MGAT5: variants seen among roughly 807,000 people sequenced by gnomAD.
MGAT5 encodes the protein alpha-1,6-mannosylglycoprotein 6-beta-N-acetylglucosaminyltransferase.
In MGAT5, 30 loss-of-function variants were observed where a neutral mutation model predicts 94.3. That is an observed-to-expected ratio of 0.32 (90% CI 0.24 to 0.43). The LOEUF (loss-of-function observed/expected upper bound fraction) is 0.43, where lower values mean the gene tolerates loss of function less well. MGAT5 is among the 20% of genes least tolerant of loss of function. The pLI, the probability that MGAT5 is intolerant of heterozygous loss-of-function variation, is 1.00. For synonymous variants in MGAT5, 310 were observed against 322.9 expected, an observed-to-expected ratio of 0.96 and a Z score of 0.43; for missense variants, 691 against 905.5, an observed-to-expected ratio of 0.76 and a Z score of 3.04.
intron 1 of MGAT5, among the ~76,000 whole-genome samples, chr2:134,260,796 C>G (rs1450521505): frequency 6.7e-6 from 1 of 149,988 alleles, no homozygotes; most frequent in African/African-American, 2.5e-5. Flanking sequence ...GAGGGAAATA[C>G]ACTGTTCTTG....
intron 12 of MGAT5, among the ~76,000 whole-genome samples, chr2:134,416,143 C>T (rs1558870531): frequency 1.3e-5 from 2 of 152,202 alleles, no homozygotes; most frequent in African/African-American, 4.8e-5. Flanking sequence ...TACCATTTAT[C>T]GTTAAAGTTT....
At chr2:134,236,674 C>T (rs983475915) in intron 1 of MGAT5, among the ~76,000 whole-genome samples, 2 of 152,134 alleles carry the variant, frequency 1.3e-5, no homozygotes, top group Middle Eastern at 3.2e-3. Flanking sequence ...TACCCAGTCT[C>T]GGGTATGTCT....
At chr2:134,332,246 A>C (rs967893576) in intron 4 of MGAT5, among the ~76,000 whole-genome samples, 1 of 152,116 alleles carries the variant, frequency 6.6e-6, no homozygotes, top group African/African-American at 2.4e-5. Flanking sequence ...AGAGATCTAG[A>C]TCAATGGAAC....
rs60180164 is a variant in MGAT5 at position 134,237,153 on chromosome 2, G to GCGCA, written c.-142-17109_-142-17108insCGCA. 1.3e-3 allele frequency among the ~76,000 whole-genome samples: 199 copies of GCGCA among 149,364 alleles called. 2 individuals are homozygous for GCGCA. The East Asian group carries it at 0.021, about 16-fold the overall frequency. On this transcript the variant is annotated intron_variant, in intron 1 of 16. Coordinates refer to the MGAT5 transcript ENST00000409645. ...TGTGTGTGTGTGTGTGTGTGTGCGC[G>GCGCA]TGTGTGTGAATTTTTACCCTCTTGG...
chr2:134,379,545 G>T (rs934565425), intron 10 of MGAT5, among the ~76,000 whole-genome samples: 3 of 152,112 alleles, frequency 2.0e-5, no homozygotes, highest in Non-Finnish European at 4.4e-5. Context: ...GAGGCAGCCC[G>T]CCAGCACCTG....
chr2:134,242,843 T>A lies in MGAT5; in HGVS notation c.-142-11419T>A, dbSNP rs577647150. Among the ~76,000 whole-genome samples the A allele has an allele frequency of 2.6e-5, 4 of 152,278 alleles. No individual in the cohort carries two copies. In the East Asian group the frequency reaches 5.8e-4, roughly 22 times the overall value. On this transcript the variant is annotated intron_variant, in intron 1 of 16. Transcript: ENST00000409645. ...GAGAGGTTAATAAAAGCTGTATTAG[T>A]TCAGCATTATTCTCTACAAGTCCTT...
intron 2 of MGAT5, among the ~76,000 whole-genome samples, chr2:134,304,301 A>C (rs769505974): frequency 6.6e-6 from 1 of 152,090 alleles, no homozygotes; most frequent in Non-Finnish European, 1.5e-5. Flanking sequence ...TTGCTCTCCT[A>C]TCCGGATGCC....
chr2:134,341,878 C>T, intron 7 of MGAT5, 119 bp downstream of exon 7: 1 of 766,262 alleles, frequency 1.3e-6, no homozygotes, highest in Non-Finnish European at 2.0e-6. Context: ...TGATAATTCA[C>T]TAAACAGGAG....
intron 1 of MGAT5, among the ~76,000 whole-genome samples, chr2:134,165,498 G>A (rs1003047594): frequency 2.0e-5 from 3 of 152,088 alleles, no homozygotes; most frequent in African/African-American, 7.2e-5. Flanking sequence ...ATCCAGGGCC[G>A]GGCGCGGTGG....
intron 7 of MGAT5, among the ~76,000 whole-genome samples, chr2:134,343,297 A>G (rs979573923): frequency 1.3e-5 from 2 of 152,174 alleles, no homozygotes; most frequent in Non-Finnish European, 2.9e-5. Flanking sequence ...GTAAAATGAA[A>G]CCAATTTTTT....
chr2:134,375,292 A>G (rs1239890890), intron 10 of MGAT5, among the ~76,000 whole-genome samples: 13 of 152,194 alleles, frequency 8.5e-5, no homozygotes, highest in Admixed American at 8.5e-4. Context: ...AACACACTGG[A>G]CTACAAGGAA....
chr2:134,188,355 T>C (rs567790615), intron 1 of MGAT5, among the ~76,000 whole-genome samples: 1 of 152,330 alleles, frequency 6.6e-6, no homozygotes, highest in East Asian at 1.9e-4. Context: ...AGCTTTTTCT[T>C]TGAATCCTGG....
chr2:134,364,814 A>C, intron 10 of MGAT5, among the ~76,000 whole-genome samples: 1 of 152,230 alleles, frequency 6.6e-6, no homozygotes, highest in East Asian at 1.9e-4. Flanking sequence ...CATCTTCTCC[A>C]ACTCTAGAAC....
intron 1 of MGAT5, among the ~76,000 whole-genome samples, chr2:134,229,771 T>G (rs1681258965): frequency 6.6e-6 from 1 of 152,206 alleles, no homozygotes; most frequent in African/African-American, 2.4e-5. Context: ...AAATAATATC[T>G]GGTAAGAGAC....
In MGAT5 at chr2:134,453,074, T is replaced by C. The variant is rs1357190984; in HGVS notation, c.*4227T>C. ...AGTGTTTAGCACAGTGCTTGGCACATAGTAAGCCCTAGTAAATGTTAAATA... is the reference window on the plus strand; with the variant it reads ...AGTGTTTAGCACAGTGCTTGGCACACAGTAAGCCCTAGTAAATGTTAAATA... On this transcript the variant is annotated 3_prime_UTR_variant, in exon 16 of 16. Coordinates refer to ENST00000281923, the MANE Select transcript of MGAT5 (RefSeq NM_002410.5). 1.3e-5 allele frequency: 2 copies of C among 152,364 alleles called. No individual in the cohort carries two copies. The highest frequency in any genetic ancestry group is 2.1e-4 in the South Asian group (1 of 4,826). 9.4% of individuals were successfully genotyped at this position (152,364 alleles called of 1,614,324 possible). A position where few individuals can be genotyped will look rare whatever the true frequency, so the allele number is the denominator to read the frequency against.
intron 15 of MGAT5, among the ~76,000 whole-genome samples, chr2:134,448,098 G>A (rs964705318): frequency 5.3e-5 from 8 of 152,258 alleles, no homozygotes; most frequent in African/African-American, 1.9e-4. Context: ...CTTAAAGAAC[G>A]TAAATGATGC....
Position 134,136,003 on chromosome 2 carries a change from T to G in MGAT5, c.-143+15712T>G, listed in dbSNP as rs1686394598. Among the ~76,000 whole-genome samples, 3 of 152,210 alleles carry G rather than the reference T, an allele frequency of 2.0e-5. No individual in the cohort carries two copies. In the South Asian group the frequency reaches 6.2e-4, roughly 31 times the overall value. On this transcript the variant is annotated intron_variant, in intron 1 of 16. Coordinates refer to the MGAT5 transcript ENST00000409645. ...AACTTGCATGGGAAAATATTACACT[T>G]TCATTTTCCCTAACTTCTAGCCAAA...
intron 1 of MGAT5, among the ~76,000 whole-genome samples, chr2:134,157,487 G>T (rs1466113605): frequency 6.6e-6 from 1 of 151,956 alleles, no homozygotes; most frequent in African/African-American, 2.4e-5. Context: ...TATTTTGAAG[G>T]GTCATTATAA....
At chr2:134,401,116 G>A (rs1683025180) in intron 10 of MGAT5, among the ~76,000 whole-genome samples, 1 of 148,370 alleles carries the variant, frequency 6.7e-6, no homozygotes, top group Non-Finnish European at 1.5e-5. Flanking sequence ...TCTGTGTCAT[G>A]CTTGCAGTGG....
Sources: gnomAD v4.1 joint callset for allele counts (sites outside exome capture counted in the v4.1 genomes callset) on GRCh38, gnomAD v4.1.1 for gene constraint, MANE v1.5 for transcripts, NCBI Gene and HGNC (gene_info 2026-07-23, HGNC 2026-07-21) for gene names.